The following KMT2B variants were observed in gnomAD, a reference collection of about 807,000 sequenced individuals.
KMT2B encodes the protein lysine methyltransferase 2B.
KMT2B carries 22 observed loss-of-function variants against 255.3 expected under a neutral mutation model. That is an observed-to-expected ratio of 0.09 (90% CI 0.06 to 0.12). The LOEUF (loss-of-function observed/expected upper bound fraction) is 0.12, where lower values mean the gene tolerates loss of function less well. KMT2B is among the 10% of genes least tolerant of loss of function. The pLI is 1.00. For missense variants in KMT2B, 3,149 were observed against 3,737.0 expected (o/e 0.84, Z 4.10); for synonymous variants, 1,730 against 1,498.1 (o/e 1.15, Z -3.57).
chr19:35,737,568 C>T lies in KMT2B; in HGVS notation c.7551-68C>T. The T allele has an allele frequency of 1.9e-6, 2 of 1,045,396 alleles. No individual in the cohort carries two copies. Among genetic ancestry groups the T allele is most frequent in the South Asian group, 1.6e-5 (1 of 63,750 alleles). 64.8% of individuals were successfully genotyped at this position (1,045,396 alleles called of 1,614,324 possible). ...CTAGAGCTGACATCAGAAAAATGAA[C>T]CCCACCCATTTCCCTGTTAGCTCTG... On this transcript the variant is annotated intron_variant, in intron 33 of 36. Transcript: ENST00000420124. The surrounding 1 kb of genome is among the most constrained non-coding windows in gnomAD (Gnocchi z 5.3).
In KMT2B at chr19:35,720,154, G is replaced by A. The variant is rs749782139; in HGVS notation, c.807G>A (p.Lys269=). 1 of 1,600,138 alleles carries A rather than the reference G, an allele frequency of 6.2e-7. No individual in the cohort carries two copies. The highest frequency in any genetic ancestry group is 8.5e-7 in the Non-Finnish European group (1 of 1,173,936). Reference sequence around the variant, plus strand: ...ATCAGACTGGCAGCTGGAAATGCAAGGAGGGGCCCGGTCCAGGACCTGGGA... The same window carrying A: ...ATCAGACTGGCAGCTGGAAATGCAAAGAGGGGCCCGGTCCAGGACCTGGGA... ...VKHQTGSWKC[K]EGPGPGPGTP... The change falls in exon 3 of 37, where the codon AAG becomes AAA. Residue 269 remains lysine (K), a synonymous_variant. Coordinates refer to ENST00000420124, the MANE Select transcript of KMT2B (RefSeq NM_014727.3).
chr19:35,721,210 TCCCCCA>T lies in KMT2B; in HGVS notation c.1864_1869del (p.Pro622_Pro623del). The T allele has an allele frequency of 8.6e-6, 7 of 810,648 alleles. No individual in the cohort carries two copies. Among genetic ancestry groups the T allele is most frequent in the Non-Finnish European group, 1.1e-5 (7 of 624,072 alleles). The allele number at this position is 810,648 out of a possible 1,614,324, so 50.2% of individuals were successfully genotyped here. On this transcript the variant is annotated inframe_deletion, in exon 3 of 37. Transcript: ENST00000420124. ...CACTGACCCGGGAGCTGCCCCCTCC[TCCCCCA>T]GCCCCTCCACCTCCCCCGGCCCCCT...
In KMT2B at chr19:35,718,556, G is replaced by T. The variant is rs564078689; in HGVS notation, c.363+175G>T. Reference sequence around the variant, plus strand: ...CTTCCGGGGGAAAGGGCCTCTGGAAGTGGGTAGAGAAGCCCCGGCTGCAGC... The same window carrying T: ...CTTCCGGGGGAAAGGGCCTCTGGAATTGGGTAGAGAAGCCCCGGCTGCAGC... On this transcript the variant is annotated intron_variant, in intron 1 of 36. Transcript: ENST00000420124. The surrounding 1 kb of genome is among the most constrained non-coding windows in gnomAD (Gnocchi z 5.0). Among the ~76,000 whole-genome samples the T allele has an allele frequency of 1.5e-4, 23 of 152,230 alleles. No individual in the cohort carries two copies. Among genetic ancestry groups the T allele is most frequent in the Admixed American group, 3.3e-4 (5 of 15,292 alleles).
Position 35,737,341 on chromosome 19 carries a change from T to C in KMT2B, c.7550+78T>C. On this transcript the variant is annotated intron_variant, in intron 33 of 36. Transcript: ENST00000420124. This position sits in a 1 kb window ranked among gnomAD's most constrained non-coding sequence, Gnocchi z 5.3. The stretch of plus-strand genomic sequence containing the variant: ...TGAGGGTGGGAGTTAACTGTAGAGG[T>C]TGGAAACTGAGGCCTGGGGAGGAGA... The C allele has an allele frequency of 7.2e-7, 1 of 1,390,414 alleles. No individual in the cohort carries two copies. Among genetic ancestry groups the C allele is most frequent in the Non-Finnish European group, 9.5e-7 (1 of 1,055,108 alleles). The allele number at this position is 1,390,414 out of a possible 1,614,324, so 86.1% of individuals were successfully genotyped here. A position where few individuals can be genotyped will look rare whatever the true frequency, so the allele number is the denominator to read the frequency against.
At chr19:35,724,866 C>G in intron 9 of KMT2B, 123 bp from the exon 10 acceptor site, 1 of 1,023,324 alleles carries the variant, frequency 9.8e-7, no homozygotes, top group Non-Finnish European at 1.4e-6. Context: ...CCTTGCCTGT[C>G]TGGAAAGCAA....
In KMT2B at chr19:35,733,189, C is replaced by G. The variant is rs760149111; in HGVS notation, c.6640C>G (p.Pro2214Ala). 1.4e-5 allele frequency: 22 copies of G among 1,544,848 alleles called. No individual in the cohort carries two copies. The highest frequency in any genetic ancestry group is 1.9e-5 in the Non-Finnish European group (22 of 1,138,040). ...TGGGGAGGGTGAACCTGTCCCACCC[C>G]CAGTGAAGCAGCCACCTTTGCCCCC... ...MAGEGEPVPP[P>A]VKQPPLPPTI... Residue 2214 changes from proline to alanine, a missense_variant, in exon 28 of 37, where the codon CCA becomes GCA. Physicochemically the swap from Pro to Ala is conservative, Grantham distance 27. Around this residue, in one of 18 missense-constraint regions of KMT2B, gnomAD observed 897 missense variants for 825.3 expected, o/e 1.09. Transcript: ENST00000420124. This position sits in a 1 kb window ranked among gnomAD's most constrained non-coding sequence, Gnocchi z 4.3.
intron 5 of KMT2B, 88 bp downstream of exon 5, chr19:35,722,806 C>T: frequency 6.7e-7 from 1 of 1,493,318 alleles, no homozygotes; most frequent in South Asian, 1.4e-5. Flanking sequence ...AGAGAGGGAG[C>T]CAAGTCAGGT....
intron 19 of KMT2B, among the ~76,000 whole-genome samples, chr19:35,728,501 G>GT (rs869243891): frequency 0.029 from 2 of 68 alleles, no homozygotes; most frequent in African/African-American, 0.12. Flanking sequence ...GGGGCCCGGA[G>GT]GGGTACCTGC....
In KMT2B at chr19:35,728,994, G is replaced by A. The variant is rs1027017742; in HGVS notation, c.4697G>A (p.Gly1566Asp). Residue 1566 changes from glycine (G) to aspartate (D), a missense_variant, in exon 21 of 37, where the codon GGC becomes GAC. By Grantham distance (94) the Gly-to-Asp change is moderately conservative. Coordinates refer to ENST00000420124, the MANE Select transcript of KMT2B (RefSeq NM_014727.3). ...CACATTTCCTCTTCAGCATTCCAGG[G>A]CAAGGATCCGGCTGCCTTCTCACAC... ...PPGDPSAAFQ[G>D]KDPAAFSHLE... 1 of 1,613,950 alleles carries A rather than the reference G, an allele frequency of 6.2e-7. No homozygotes were observed. The highest frequency in any genetic ancestry group is 1.3e-5 in the African/African-American group (1 of 75,024).
chr19:35,720,215 CGTGGAGGCA>C lies in KMT2B; in HGVS notation c.870_878del (p.Gly292_Gly294del), dbSNP rs750970160. 3 of 1,610,348 alleles carry C rather than the reference CGTGGAGGCA, an allele frequency of 1.9e-6. No individual in the cohort carries two copies. Among genetic ancestry groups the C allele is most frequent in the Non-Finnish European group, 2.5e-6 (3 of 1,178,520 alleles). On this transcript the variant is annotated inframe_deletion, in exon 3 of 37. Coordinates refer to ENST00000420124, the MANE Select transcript of KMT2B (RefSeq NM_014727.3). ...TGGAGGACAGTCAAGCCGTGGAGGC[CGTGGAGGCA>C]GGGGCCGCGGCCGAGGTGGTGGGCT...
intron 30 of KMT2B, chr19:35,736,479 C>G: frequency 1.7e-6 from 1 of 597,006 alleles, no homozygotes; most frequent in Non-Finnish European, 2.9e-6. Context: ...AGAAGTCCTG[C>G]AGAAGAGGAG....
Position 35,725,790 on chromosome 19 carries a change from C to G in KMT2B, c.3857C>G (p.Thr1286Ser), listed in dbSNP as rs755810165. ...HPACLGPSYP[T>S]RATRKRRHWI... Reference sequence around the variant, plus strand: ...GCCTGTCTGGGGCCCAGCTATCCAACCCGGGCCACGCGCAAACGGCGCCAC... The same window carrying G: ...GCCTGTCTGGGGCCCAGCTATCCAAGCCGGGCCACGCGCAAACGGCGCCAC... Residue 1286 changes from threonine to serine, a missense_variant, in exon 13 of 37, where the codon ACC (threonine) becomes AGC (serine). Transcript: ENST00000420124. This position sits in a 1 kb window ranked among gnomAD's most constrained non-coding sequence, Gnocchi z 4.1. 2 of 1,592,542 alleles carry G rather than the reference C, an allele frequency of 1.3e-6. No individual in the cohort carries two copies. Among genetic ancestry groups the G allele is most frequent in the East Asian group, 4.6e-5 (2 of 43,426 alleles).
Position 35,725,364 on chromosome 19 carries a change from C to T in KMT2B, c.3642+31C>T. Reference sequence around the variant, plus strand: ...ATCTCTGCCTTTCTTCACAGACCCCCAGCTCTCTGTCGGTCCTCACGGCCT... The same window carrying T: ...ATCTCTGCCTTTCTTCACAGACCCCTAGCTCTCTGTCGGTCCTCACGGCCT... On this transcript the variant is annotated intron_variant, in intron 11 of 36. Coordinates refer to ENST00000420124, the MANE Select transcript of KMT2B (RefSeq NM_014727.3). This position sits in a 1 kb window ranked among gnomAD's most constrained non-coding sequence, Gnocchi z 4.1. The T allele has an allele frequency of 6.4e-7, 1 of 1,560,136 alleles. No homozygotes were observed. The highest frequency in any genetic ancestry group is 8.7e-7 in the Non-Finnish European group (1 of 1,152,174).
In KMT2B at chr19:35,725,659, G is replaced by A; in HGVS notation, c.3789+34G>A. On this transcript the variant is annotated intron_variant, in intron 12 of 36. Transcript: ENST00000420124. The surrounding 1 kb of genome is among the most constrained non-coding windows in gnomAD (Gnocchi z 4.1). ...CCAAGGGCTGGCCAGGGTGGGTGGA[G>A]GCCTGAAGGTGAGGGCATCCCTGTG... 6.2e-7 allele frequency: 1 copy of A among 1,612,602 alleles called. No homozygotes were observed. The highest frequency in any genetic ancestry group is 1.3e-5 in the African/African-American group (1 of 75,058).
chr19:35,724,005 A>C lies in KMT2B; in HGVS notation c.3332A>C (p.Asn1111Thr). The C allele has an allele frequency of 6.3e-7, 1 of 1,586,204 alleles. No individual in the cohort carries two copies. The highest frequency in any genetic ancestry group is 8.6e-7 in the Non-Finnish European group (1 of 1,166,382). Residue 1111 changes from asparagine to threonine, a missense_variant and splice_region_variant, in exon 8 of 37, where the codon AAT becomes ACT. By Grantham distance (65) the Asn-to-Thr change is moderately conservative. Coordinates refer to ENST00000420124, the MANE Select transcript of KMT2B (RefSeq NM_014727.3). Reference sequence around the variant, plus strand: ...CCTCGGCGTCGGACCCCCCGAGAAAATGGTGCGAACTGCTTAATGCTTTCT... The same window carrying C: ...CCTCGGCGTCGGACCCCCCGAGAAACTGGTGCGAACTGCTTAATGCTTTCT... ...PAPRRRTPRE[N>T]ELPLPEPEEQ... is the part of the protein sequence containing the mutation.
rs768866851 is a variant in KMT2B, at chr19:35,738,479, C to T, written c.8070C>T (p.Tyr2690=). ...ILRGEELTYD[Y]KFPIEDASNK... is the part of the protein sequence containing the mutation. ...GTGGTGAGGAGCTCACCTACGACTA[C>T]AAGTTCCCCATCGAGGATGCCAGCA... The change falls in exon 37 of 37, where the codon TAC becomes TAT. Residue 2690 remains tyrosine, a synonymous_variant. Coordinates refer to ENST00000420124, the MANE Select transcript of KMT2B (RefSeq NM_014727.3). The surrounding 1 kb of genome is among the most constrained non-coding windows in gnomAD (Gnocchi z 8.7). The T allele has an allele frequency of 6.2e-7, 1 of 1,614,122 alleles. No individual in the cohort carries two copies. Among genetic ancestry groups the T allele is most frequent in the Admixed American group, 1.7e-5 (1 of 60,008 alleles).
At position 35,727,922 on chromosome 19, in the gene KMT2B, C is replaced by T. The variant is rs1171695506; in HGVS notation, c.4434C>T (p.His1478=). Residue 1478 remains histidine (H), a synonymous_variant, in exon 18 of 37, where the codon CAC becomes CAT. Transcript: ENST00000420124. The surrounding 1 kb of genome is among the most constrained non-coding windows in gnomAD (Gnocchi z 4.2). ...ACATGGTGGGCATCCTCATGCGGCA[C>T]TCGGAGGAGGGAGAGACCCCGGACC... ...MEDMVGILMR[H]SEEGETPDRR... The T allele has an allele frequency of 4.4e-6, 7 of 1,600,682 alleles. No individual in the cohort carries two copies. Among genetic ancestry groups the T allele is most frequent in the Non-Finnish European group, 6.0e-6 (7 of 1,172,052 alleles).
At position 35,733,659 on chromosome 19, in the gene KMT2B, G is replaced by C; in HGVS notation, c.7022G>C (p.Gly2341Ala). The C allele has an allele frequency of 6.2e-7, 1 of 1,600,754 alleles. No homozygotes were observed. Among genetic ancestry groups the C allele is most frequent in the Non-Finnish European group, 8.5e-7 (1 of 1,174,060 alleles). The change falls in exon 29 of 37, where the codon GGG becomes GCG. Residue 2341 changes from glycine (G) to alanine (A), a missense_variant. By Grantham distance (60) the Gly-to-Ala change is moderately conservative. This residue lies in a region of KMT2B where 897 missense variants were observed against 825.3 expected (regional missense o/e 1.09). Coordinates refer to ENST00000420124, the MANE Select transcript of KMT2B (RefSeq NM_014727.3). This position sits in a 1 kb window ranked among gnomAD's most constrained non-coding sequence, Gnocchi z 4.3. ...GGGGTCCTTGACCTGGATCGGCCTGGGGAGCCCGCTGGGGAAGAAAGTCCT... is the reference window on the plus strand; with the variant it reads ...GGGGTCCTTGACCTGGATCGGCCTGCGGAGCCCGCTGGGGAAGAAAGTCCT... ...VRGVLDLDRP[G>A]EPAGEESPGP...
Position 35,724,685 on chromosome 19 carries a change from C to T in KMT2B, c.3383C>T (p.Thr1128Ile), listed in dbSNP as rs1322910172. The change falls in exon 9 of 37, where the codon ACC (threonine) becomes ATC (isoleucine). Residue 1128 changes from threonine to isoleucine, a missense_variant. Around this residue, in one of 18 missense-constraint regions of KMT2B, gnomAD observed 136 missense variants for 137.3 expected, o/e 0.99. Coordinates refer to ENST00000420124, the MANE Select transcript of KMT2B (RefSeq NM_014727.3). ...PEEQSRPRKP[T>I]LQPVLQLKAR... ...GAGCAGAGCCGGCCCCGCAAACCTA[C>T]CCTGCAGCCTGTGTTGCAGCTCAAG... 1 of 1,602,794 alleles carries T rather than the reference C, an allele frequency of 6.2e-7. No individual in the cohort carries two copies. Among genetic ancestry groups the T allele is most frequent in the Non-Finnish European group, 8.5e-7 (1 of 1,175,034 alleles).
Sources: allele counts gnomAD v4.1 joint callset (sites outside exome capture counted in the v4.1 genomes callset), GRCh38; gene constraint gnomAD v4.1.1; regional missense constraint gnomAD v4.1.1; non-coding constraint Gnocchi (gnomAD v3.1); transcripts MANE v1.5; gene names NCBI Gene and HGNC (gene_info 2026-07-23, HGNC 2026-07-21).